The following GPC6 variants were observed in gnomAD, a reference collection of about 807,000 sequenced individuals.
The protein encoded by GPC6 is glypican-6.
In GPC6, 14 loss-of-function variants were observed where a neutral mutation model predicts 55.2. The observed-to-expected ratio is 0.25, with a 90% CI of 0.17 to 0.40. The LOEUF is 0.40. Ranked by LOEUF, GPC6 falls within the 10% of genes least tolerant of loss-of-function variation. The probability of loss-of-function intolerance (pLI) is 1.00; values close to 1 mark genes in which losing one functional copy is unlikely to be tolerated. For synonymous variants in GPC6, 278 were observed against 259.6 expected (o/e 1.07, Z -0.68); for missense variants, 641 against 708.5 (o/e 0.90, Z 1.08).
chr13:93,886,825 G>A (rs986011324), intron 3 of GPC6, among the ~76,000 whole-genome samples: 1 of 148,946 alleles, frequency 6.7e-6, no homozygotes. Context: ...AATAGTGTAC[G>A]TTTGATTCTC....
intron 4 of GPC6, among the ~76,000 whole-genome samples, chr13:94,183,590 T>C (rs561596162): frequency 6.6e-6 from 1 of 152,248 alleles, no homozygotes; most frequent in Admixed American, 6.5e-5. Flanking sequence ...AGGAGTGAAA[T>C]TGCTGGGTCA....
At chr13:93,322,808 C>G (rs1879504452) in intron 1 of GPC6, among the ~76,000 whole-genome samples, 1 of 151,792 alleles carries the variant, frequency 6.6e-6, no homozygotes, top group African/African-American at 2.4e-5. Flanking sequence ...TTTTATTATA[C>G]TTTAAGTTCT....
chr13:94,265,775 A>G (rs898141729), intron 4 of GPC6, among the ~76,000 whole-genome samples: 3 of 152,264 alleles, frequency 2.0e-5, no homozygotes, highest in African/African-American at 7.2e-5. Flanking sequence ...CTGTCAGAAC[A>G]TATCACTGGT....
chr13:93,656,753 A>C (rs566531228), intron 2 of GPC6, among the ~76,000 whole-genome samples: 1 of 152,210 alleles, frequency 6.6e-6, no homozygotes, highest in African/African-American at 2.4e-5. Context: ...CATTTCTAAA[A>C]GTTTCTGAAT....
chr13:94,255,792 G>C (rs2139043454), intron 4 of GPC6, among the ~76,000 whole-genome samples: 1 of 152,254 alleles, frequency 6.6e-6, no homozygotes, highest in South Asian at 2.1e-4. Flanking sequence ...CTGGGCATCA[G>C]TTTGTATTGA....
rs1594618015 is a variant in GPC6 at position 93,955,110 on chromosome 13, T to G, written c.712-72619T>G. On this transcript the variant is annotated intron_variant, in intron 3 of 8. Coordinates refer to ENST00000377047, the MANE Select transcript of GPC6 (RefSeq NM_005708.5). The stretch of plus-strand genomic sequence containing the variant: ...TGACCAAGGGATGAATGGTGGCAGG[T>G]CACACTTCTTTTTATCCCTGCCCTT... 4.6e-5 allele frequency among the ~76,000 whole-genome samples: 7 copies of G among 152,180 alleles called. No individual in the cohort carries two copies. The South Asian group carries it at 1.4e-3, about 31-fold the overall frequency.
chr13:94,147,183 C>T (rs190352262), intron 4 of GPC6, among the ~76,000 whole-genome samples: 51 of 152,172 alleles, frequency 3.4e-4, no homozygotes, highest in African/African-American at 1.2e-3. Flanking sequence ...AAAATAATTT[C>T]CCCCTCTTAG....
intron 6 of GPC6, among the ~76,000 whole-genome samples, chr13:94,356,474 G>A (rs116574167): frequency 6.8e-4 from 103 of 152,292 alleles, no homozygotes; most frequent in African/African-American, 2.5e-3. Context: ...GCCCTCTTTT[G>A]TTCACTACTT....
chr13:93,744,528 CTTTT>C (rs71736430), intron 2 of GPC6, among the ~76,000 whole-genome samples: 5 of 97,208 alleles, frequency 5.1e-5, no homozygotes, highest in South Asian at 4.6e-4. Flanking sequence ...TTTCCCTAGT[CTTTT>C]TTTTTTTTTT....
intron 1 of GPC6, among the ~76,000 whole-genome samples, chr13:93,251,634 G>T (rs1566541361): frequency 2.0e-5 from 3 of 152,044 alleles, no homozygotes. Flanking sequence ...TTCAACTCTG[G>T]TTTCCTATCT....
chr13:94,229,648 C>T (rs1890661741), intron 4 of GPC6, among the ~76,000 whole-genome samples: 2 of 152,164 alleles, frequency 1.3e-5, no homozygotes, highest in Admixed American at 1.3e-4. Flanking sequence ...TCTCCCCCTG[C>T]TCAATAACAC....
At chr13:94,336,052 T>C (rs1019805334) in intron 6 of GPC6, among the ~76,000 whole-genome samples, 1 of 152,124 alleles carries the variant, frequency 6.6e-6, no homozygotes, top group African/African-American at 2.4e-5. Flanking sequence ...AGAGTCATTT[T>C]TGTGAGTAAA....
Position 93,765,746 on chromosome 13 carries a change from G to C in GPC6, c.320-64408G>C, listed in dbSNP as rs1247504512. On this transcript the variant is annotated intron_variant, in intron 2 of 8. Coordinates refer to ENST00000377047, the MANE Select transcript of GPC6 (RefSeq NM_005708.5). Reference sequence around the variant, plus strand: ...TGCAAAGGTATCTGATCTGATTCTAGTGCTGACCTCTTAAAAGTAAAATCA... The same window carrying C: ...TGCAAAGGTATCTGATCTGATTCTACTGCTGACCTCTTAAAAGTAAAATCA... 2.6e-5 allele frequency among the ~76,000 whole-genome samples: 4 copies of C among 152,278 alleles called. No individual in the cohort carries two copies. The East Asian group carries it at 7.7e-4, about 29-fold the overall frequency.
rs1176748097 is a variant in GPC6 at position 93,880,586 on chromosome 13, G to T, written c.711+50041G>T. ...TTGTGGGGTTGGGGGAGGAGGTAGG[G>T]ATAGTATTGGGAGATATACCCAATG... is the stretch of plus-strand genomic sequence containing the variant. On this transcript the variant is annotated intron_variant, in intron 3 of 8. Transcript: ENST00000377047. Among the ~76,000 whole-genome samples, 4 of 152,196 alleles carry T rather than the reference G, an allele frequency of 2.6e-5. No homozygotes were observed. The East Asian group carries it at 5.8e-4, about 22-fold the overall frequency.
chr13:93,965,769 G>C (rs1035601188), intron 3 of GPC6, among the ~76,000 whole-genome samples: 1 of 152,088 alleles, frequency 6.6e-6, no homozygotes, highest in East Asian at 1.9e-4. Flanking sequence ...CAGCCTCTTA[G>C]GTCACCTCAG....
intron 1 of GPC6, among the ~76,000 whole-genome samples, chr13:93,334,389 G>A: frequency 6.6e-6 from 1 of 152,114 alleles, no homozygotes; most frequent in East Asian, 1.9e-4. Flanking sequence ...CCCCTGCTAA[G>A]ATTTTGTTTA....
intron 4 of GPC6, among the ~76,000 whole-genome samples, chr13:94,105,841 C>G (rs1886034659): frequency 6.6e-6 from 1 of 152,150 alleles, no homozygotes; most frequent in Non-Finnish European, 1.5e-5. Flanking sequence ...GAAACAGAAA[C>G]ACAACCCAGT....
intron 2 of GPC6, among the ~76,000 whole-genome samples, chr13:93,569,681 G>A (rs1455166442): frequency 6.6e-6 from 1 of 151,730 alleles, no homozygotes; most frequent in East Asian, 1.9e-4. Flanking sequence ...AATATTAATA[G>A]CATATTAATA....
intron 4 of GPC6, among the ~76,000 whole-genome samples, chr13:94,244,857 G>A (rs1891151651): frequency 6.6e-6 from 1 of 151,944 alleles, no homozygotes; most frequent in Non-Finnish European, 1.5e-5. Context: ...ATATTTGTAG[G>A]AGTCTTGCAA....
Sources: allele counts gnomAD v4.1 joint callset (sites outside exome capture counted in the v4.1 genomes callset), GRCh38; gene constraint gnomAD v4.1.1; transcripts MANE v1.5; gene names NCBI Gene and HGNC (gene_info 2026-07-23, HGNC 2026-07-21).